Variants in TRMU observed in about 807,000 individuals in gnomAD.
TRMU encodes the protein mitochondrial tRNA-specific 2-thiouridylase 1.
In TRMU, 49 loss-of-function variants were observed where a neutral mutation model predicts 46.9. That is an observed-to-expected ratio of 1.05 (90% CI 0.83 to 1.33). The LOEUF is 1.33. Among genes scored for constraint, TRMU ranks in the 40% most tolerant of loss-of-function variants. TRMU has a pLI of 0.00. For synonymous variants in TRMU, 241 were observed against 200.9 expected (o/e 1.20, Z -1.69); for missense variants, 572 against 532.4 (o/e 1.07, Z -0.73).
rs6007888 is a variant in TRMU at position 46,348,528 on chromosome 22, C to T, written c.479-1763C>T. ...TCGGTCAGCACCTGAGACCAGCGCT[C>T]CTAGGCCTGGCCTGTGACTGGGCTG... On this transcript the variant is annotated intron_variant, in intron 4 of 10. Transcript: ENST00000645190. The surrounding 1 kb of genome is among the most constrained non-coding windows in gnomAD (Gnocchi z 4.8). Among the ~76,000 whole-genome samples, 4,855 of 152,298 alleles carry T rather than the reference C, an allele frequency of 0.032. 271 individuals are homozygous for T. Among genetic ancestry groups the T allele is most frequent in the African/African-American group, 0.11 (4,554 of 41,544 alleles).
rs969899312 is a variant in TRMU at position 46,347,351 on chromosome 22, T to C, written c.478+807T>C. The C allele has an allele frequency of 6.6e-6, 1 of 152,016 alleles. No homozygotes were observed. The highest frequency in any genetic ancestry group is 1.5e-5 in the Non-Finnish European group (1 of 68,020). 9.4% of individuals were successfully genotyped at this position (152,016 alleles called of 1,614,324 possible). ...ACACACATTTCTTTTTTAATTATTATTATTAATTTTATTTTTTTGAGAGAG... is the reference window on the plus strand; with the variant it reads ...ACACACATTTCTTTTTTAATTATTACTATTAATTTTATTTTTTTGAGAGAG... On this transcript the variant is annotated intron_variant, in intron 4 of 10. Transcript: ENST00000645190. This position sits in a 1 kb window ranked among gnomAD's most constrained non-coding sequence, Gnocchi z 5.0.
intron 10 of TRMU, 169 bp from the exon 11 acceptor site, chr22:46,356,673 C>G (rs1446243961): frequency 2.6e-6 from 2 of 783,160 alleles, no homozygotes; most frequent in South Asian, 3.4e-5. Context: ...TGCCCCAGGC[C>G]TCTCCTCTCC....
rs1255827622 is a variant in TRMU at position 46,349,432 on chromosome 22, G to A, written c.479-859G>A. The stretch of plus-strand genomic sequence containing the variant: ...GGAAAACACTAGCTACGCAGAGTGT[G>A]TACTGTACACGTGGCTCTGCCAAGC... On this transcript the variant is annotated intron_variant, in intron 4 of 10. Transcript: ENST00000645190. This position sits in a 1 kb window ranked among gnomAD's most constrained non-coding sequence, Gnocchi z 4.6. Among the ~76,000 whole-genome samples, 2 of 152,240 alleles carry A rather than the reference G, an allele frequency of 1.3e-5. No individual in the cohort carries two copies. The highest frequency in any genetic ancestry group is 2.9e-5 in the Non-Finnish European group (2 of 68,048).
At position 46,347,294 on chromosome 22, in the gene TRMU, GGGGTCTCT is replaced by G. The variant is rs1487728047; in HGVS notation, c.478+754_478+761del. On this transcript the variant is annotated intron_variant, in intron 4 of 10. Transcript: ENST00000645190. The surrounding 1 kb of genome is among the most constrained non-coding windows in gnomAD (Gnocchi z 5.0). ...GCCTTGTCCCGCCATCTGGGGAATA[GGGGTCTCT>G]GGGGCTGGGGCAGGGCTTTACATAC... 2.0e-5 allele frequency: 3 copies of G among 152,248 alleles called. No individual in the cohort carries two copies. The highest frequency in any genetic ancestry group is 4.4e-5 in the Non-Finnish European group (3 of 68,082). 9.4% of individuals were successfully genotyped at this position (152,248 alleles called of 1,614,324 possible). A position where few individuals can be genotyped will look rare whatever the true frequency, so the allele number is the denominator to read the frequency against.
intron 8 of TRMU, chr22:46,354,234 G>GT (rs1040542759): frequency 6.3e-6 from 2 of 315,188 alleles, no homozygotes; most frequent in African/African-American, 4.3e-5. Flanking sequence ...CCAGTGAGTT[G>GT]TTGTCAGGCA....
chr22:46,338,925 G>T lies in TRMU; in HGVS notation c.248+981G>T, dbSNP rs1437500389. 6.6e-6 allele frequency among the ~76,000 whole-genome samples: 1 copy of T among 152,136 alleles called. No individual in the cohort carries two copies. The highest frequency in any genetic ancestry group is 1.5e-5 in the Non-Finnish European group (1 of 68,034). On this transcript the variant is annotated intron_variant, in intron 2 of 10. Coordinates refer to ENST00000645190, the MANE Select transcript of TRMU (RefSeq NM_018006.5). This position sits in a 1 kb window ranked among gnomAD's most constrained non-coding sequence, Gnocchi z 4.5. The stretch of plus-strand genomic sequence containing the variant: ...GAGTCCTGACTGTAGCTTATTATAT[G>T]ACCTTGGGCAATTTACTTGACTTTG...
chr22:46,355,618 G>A (rs764683256), intron 9 of TRMU, 30 bp downstream of exon 9: 112 of 1,613,064 alleles, frequency 6.9e-5, no homozygotes, highest in Non-Finnish European at 8.6e-5. Context: ...CTGAGGACGG[G>A]CCCCTTGAAG....
At position 46,347,862 on chromosome 22, in the gene TRMU, C is replaced by T. The variant is rs1006862428; in HGVS notation, c.478+1318C>T. Among the ~76,000 whole-genome samples the T allele has an allele frequency of 1.3e-5, 2 of 152,230 alleles. No individual in the cohort carries two copies. Among genetic ancestry groups the T allele is most frequent in the Non-Finnish European group, 2.9e-5 (2 of 68,034 alleles). On this transcript the variant is annotated intron_variant, in intron 4 of 10. Transcript: ENST00000645190. The surrounding 1 kb of genome is among the most constrained non-coding windows in gnomAD (Gnocchi z 5.0). ...GAGTTCTTTCCTCAGCGTTGCTGAG[C>T]CCATCCTGAAGGCTGCAGTGATGGG...
intron 1 of TRMU, 94 bp downstream of exon 1, chr22:46,335,940 C>T (rs2077962560): frequency 1.0e-5 from 15 of 1,497,308 alleles, no homozygotes; most frequent in African/African-American, 2.8e-5. Context: ...CTCCTCCCTC[C>T]CTGGGCCGCT....
chr22:46,353,803 T>C lies in TRMU; in HGVS notation c.809T>C (p.Ile270Thr), dbSNP rs2078510429. 1 of 1,613,952 alleles carries C rather than the reference T, an allele frequency of 6.2e-7. No individual in the cohort carries two copies. Among genetic ancestry groups the C allele is most frequent in the South Asian group, 1.1e-5 (1 of 91,076 alleles). Residue 270 changes from isoleucine (I) to threonine (T), a missense_variant, in exon 8 of 11, where the codon ATA becomes ACA. Ile to Thr is a moderately conservative substitution (Grantham distance 89, BLOSUM62 -1). Transcript: ENST00000645190. ...TATACCTTGGGCCAGAGAGCAAACA[T>C]AGGTGGCCTGAGAGAGCCCTGGTAC... Reference protein sequence around the residue: ...FLYTLGQRANIGGLREPWYVV... With the variant: ...FLYTLGQRANTGGLREPWYVV...
chr22:46,346,772 G>T (rs1462812994), intron 4 of TRMU, among the ~76,000 whole-genome samples: 3 of 152,240 alleles, frequency 2.0e-5, no homozygotes, highest in Non-Finnish European at 4.4e-5. Context: ...GTGAGGGCTG[G>T]TGGAAAGTGA....
At chr22:46,341,129 T>C (rs113314373) in intron 2 of TRMU, among the ~76,000 whole-genome samples, 2,735 of 152,356 alleles carry the variant, frequency 0.018, 94 homozygotes, top group African/African-American at 0.063. Flanking sequence ...TTCTCTTCTT[T>C]CCAGTTAGAG....
intron 2 of TRMU, among the ~76,000 whole-genome samples, chr22:46,340,247 C>T (rs190352147): frequency 1.1e-3 from 175 of 152,186 alleles, no homozygotes; most frequent in African/African-American, 4.0e-3. Flanking sequence ...TGTGATGCGG[C>T]TTAGGGACTG....
rs1273847488 is a variant in TRMU, at chr22:46,348,443, G to A, written c.479-1848G>A. ...ATTTCATTCTTCTTCAGTTGCCCTG[G>A]CCCAGCCTGGGTCTCTGGGTAGAGC... On this transcript the variant is annotated intron_variant, in intron 4 of 10. Transcript: ENST00000645190. This position sits in a 1 kb window ranked among gnomAD's most constrained non-coding sequence, Gnocchi z 4.8. Among the ~76,000 whole-genome samples the A allele has an allele frequency of 1.3e-5, 2 of 152,216 alleles. No homozygotes were observed. Among genetic ancestry groups the A allele is most frequent in the Non-Finnish European group, 2.9e-5 (2 of 68,036 alleles).
At chr22:46,340,575 C>G (rs1015831270) in intron 2 of TRMU, among the ~76,000 whole-genome samples, 1 of 149,860 alleles carries the variant, frequency 6.7e-6, no homozygotes, top group Non-Finnish European at 1.5e-5. Flanking sequence ...GAATTAGGAG[C>G]GGAGCTGGGA....
In TRMU at chr22:46,337,881, A is replaced by T. The variant is rs1251318512; in HGVS notation, c.185A>T (p.Gln62Leu). ...TGTGAAGATGCTTACAGAGTTTGCCAGATCTTAGACATCCCTTTCCATCAA... is the reference window on the plus strand; with the variant it reads ...TGTGAAGATGCTTACAGAGTTTGCCTGATCTTAGACATCCCTTTCCATCAA... ...KDCEDAYRVC[Q>L]ILDIPFHQVS... Residue 62 changes from glutamine (Q) to leucine (L), a missense_variant, in exon 2 of 11, where the codon CAG (glutamine) becomes CTG (leucine). Coordinates refer to ENST00000645190, the MANE Select transcript of TRMU (RefSeq NM_018006.5). 6.2e-7 allele frequency: 1 copy of T among 1,614,134 alleles called. No homozygotes were observed. The highest frequency in any genetic ancestry group is 2.2e-5 in the East Asian group (1 of 44,898).
Position 46,337,779 on chromosome 22 carries a change from G to A in TRMU, c.83G>A (p.Gly28Asp). 1 of 1,614,222 alleles carries A rather than the reference G, an allele frequency of 6.2e-7. No homozygotes were observed. Among genetic ancestry groups the A allele is most frequent in the South Asian group, 1.1e-5 (1 of 91,090 alleles). Residue 28 changes from glycine (G) to aspartate (D), a missense_variant and splice_region_variant, in exon 2 of 11, where the codon GGT becomes GAT. By Grantham distance (94) the Gly-to-Asp change is moderately conservative. Coordinates refer to ENST00000645190, the MANE Select transcript of TRMU (RefSeq NM_018006.5). ...AVAALLLRRR[G>D]YQVTGVFMKN... Reference sequence around the variant, plus strand: ...CTTTAATTGACCTTCCCGCCCGCAGGTTACCAGGTGACAGGGGTGTTTATG... The same window carrying A: ...CTTTAATTGACCTTCCCGCCCGCAGATTACCAGGTGACAGGGGTGTTTATG...
intron 10 of TRMU, chr22:46,356,517 C>T: frequency 4.5e-6 from 2 of 447,224 alleles, no homozygotes. Flanking sequence ...CATCCTCTGG[C>T]TGCCACCATG....
rs2077972087 is a variant in TRMU, at chr22:46,336,191, G to A, written c.82+345G>A. The A allele has an allele frequency of 7.7e-6, 9 of 1,161,960 alleles. No individual in the cohort carries two copies. Among genetic ancestry groups the A allele is most frequent in the Non-Finnish European group, 9.7e-6 (9 of 930,312 alleles). 72.0% of individuals were successfully genotyped at this position (1,161,960 alleles called of 1,614,324 possible). ...CGTCCACATTCACCTGTGAGACCGT[G>A]GACACTGGTGAGGGGAGCTGGGATC... On this transcript the variant is annotated intron_variant, in intron 1 of 10. Transcript: ENST00000645190. The surrounding 1 kb of genome is among the most constrained non-coding windows in gnomAD (Gnocchi z 4.1).
Sources: gnomAD v4.1 joint callset for allele counts (sites outside exome capture counted in the v4.1 genomes callset) on GRCh38, gnomAD v4.1.1 for gene constraint, Gnocchi (gnomAD v3.1) non-coding constraint, MANE v1.5 for transcripts, NCBI Gene and HGNC (gene_info 2026-07-23, HGNC 2026-07-21) for gene names.